BCAS3: variants seen among roughly 807,000 people sequenced by gnomAD.
BCAS3 encodes BCAS4/BCAS3 fusion.
In BCAS3, 53 loss-of-function variants were observed where a neutral mutation model predicts 116.1. The ratio of observed to expected loss-of-function variants is 0.46; its 90% CI spans 0.37 to 0.57. BCAS3 has a LOEUF of 0.57. Ranked by LOEUF, BCAS3 falls within the 20% of genes least tolerant of loss-of-function variation. The pLI, the probability that BCAS3 is intolerant of heterozygous loss-of-function variation, is 0.00. For synonymous variants in BCAS3, 391 were observed against 408.2 expected (o/e 0.96, Z 0.51); for missense variants, 917 against 1,165.4 (o/e 0.79, Z 3.10).
At chr17:61,338,478 G>A (rs1235056563) in intron 22 of BCAS3, among the ~76,000 whole-genome samples, 1 of 147,538 alleles carries the variant, frequency 6.8e-6, no homozygotes, top group Non-Finnish European at 1.5e-5. Flanking sequence ...GTTTTATTGT[G>A]TTTGAAGTAT....
chr17:60,875,751 T>C (rs1212321668), intron 9 of BCAS3, among the ~76,000 whole-genome samples: 1 of 152,028 alleles, frequency 6.6e-6, no homozygotes, highest in Non-Finnish European at 1.5e-5. Context: ...AAAAATATTG[T>C]ATCTTAATTA....
At chr17:60,945,341 C>G (rs2060428479) in intron 13 of BCAS3, among the ~76,000 whole-genome samples, 1 of 152,158 alleles carries the variant, frequency 6.6e-6, no homozygotes, top group South Asian at 2.1e-4. Context: ...ACACTCAATA[C>G]AGTTCCCTCA....
intron 13 of BCAS3, among the ~76,000 whole-genome samples, chr17:60,929,783 T>C (rs2059551059): frequency 7.2e-6 from 1 of 139,436 alleles, no homozygotes; most frequent in African/African-American, 2.7e-5. Flanking sequence ...TGTGTTCTCA[T>C]TGTTCAATTC....
chr17:61,338,887 GGAAAA>G (rs1274188941), intron 22 of BCAS3, among the ~76,000 whole-genome samples: 24 of 99,708 alleles, frequency 2.4e-4, no homozygotes, highest in East Asian at 8.5e-4. Context: ...GCCCTTACTG[GGAAAA>G]AAAAAAAAAA....
rs1449037545 is a variant in BCAS3 at position 61,347,085 on chromosome 17, T to C, written c.2426-21242T>C. Among the ~76,000 whole-genome samples the C allele has an allele frequency of 5.3e-5, 8 of 152,074 alleles. No individual in the cohort carries two copies. The East Asian group carries it at 1.4e-3, about 26-fold the overall frequency. On this transcript the variant is annotated intron_variant, in intron 22 of 23. Coordinates refer to ENST00000407086, the MANE Select transcript of BCAS3 (RefSeq NM_017679.5). This position sits in a 1 kb window ranked among gnomAD's most constrained non-coding sequence, Gnocchi z 4.3. The stretch of plus-strand genomic sequence containing the variant: ...ATATTGGATTTTTGTTTTAACAAAT[T>C]TTTTTTTAAGGCAGAGTCTTGCTCT...
chr17:61,194,606 G>C (rs1219883278), intron 22 of BCAS3, among the ~76,000 whole-genome samples: 2 of 152,030 alleles, frequency 1.3e-5, no homozygotes, highest in Non-Finnish European at 1.5e-5. Context: ...CAGGTGTGGT[G>C]GTGGGCAACT....
In BCAS3 at chr17:61,377,034, T is replaced by C. The variant is rs1332887541; in HGVS notation, c.2593+8540T>C. On this transcript the variant is annotated intron_variant, in intron 23 of 23. Coordinates refer to ENST00000407086, the MANE Select transcript of BCAS3 (RefSeq NM_017679.5). This position sits in a 1 kb window ranked among gnomAD's most constrained non-coding sequence, Gnocchi z 4.6. ...AAAGCCCCAGAGGAGGCCACAATAC[T>C]GAACGGTGGGTCTGTTTCTCTCTGA... Among the ~76,000 whole-genome samples the C allele has an allele frequency of 6.6e-6, 1 of 152,218 alleles. No homozygotes were observed. The highest frequency in any genetic ancestry group is 2.4e-5 in the African/African-American group (1 of 41,454).
At chr17:61,058,275 G>A (rs965881429) in intron 19 of BCAS3, among the ~76,000 whole-genome samples, 2 of 152,156 alleles carry the variant, frequency 1.3e-5, no homozygotes, top group Non-Finnish European at 2.9e-5. Context: ...ATATGATTCT[G>A]TGGAACTTGG....
chr17:61,120,558 T>C (rs1214628817), intron 22 of BCAS3, among the ~76,000 whole-genome samples: 2 of 152,254 alleles, frequency 1.3e-5, no homozygotes, highest in African/African-American at 4.8e-5. Flanking sequence ...AATAGCCTGA[T>C]GTATCCCTGA....
chr17:61,003,861 C>T (rs2064455401), intron 15 of BCAS3: 1 of 152,110 alleles, frequency 6.6e-6, no homozygotes, highest in Admixed American at 6.6e-5. Flanking sequence ...GAAGGGCATA[C>T]CGCCTTATAG....
At chr17:60,710,996 T>G (rs1343553242) in intron 5 of BCAS3, among the ~76,000 whole-genome samples, 2 of 151,848 alleles carry the variant, frequency 1.3e-5, no homozygotes, top group South Asian at 4.2e-4. Flanking sequence ...GGAGACAGGG[T>G]CCTACTGTGT....
intron 14 of BCAS3, among the ~76,000 whole-genome samples, chr17:60,954,686 C>G (rs898666206): frequency 6.6e-6 from 1 of 152,160 alleles, no homozygotes; most frequent in African/African-American, 2.4e-5. Flanking sequence ...AATTTTAACT[C>G]ATTCATGAGT....
intron 22 of BCAS3, among the ~76,000 whole-genome samples, chr17:61,328,440 T>C (rs2055917905): frequency 6.6e-6 from 1 of 152,206 alleles, no homozygotes; most frequent in Non-Finnish European, 1.5e-5. Flanking sequence ...GAAGTTTATT[T>C]CTCACAGTTC....
At chr17:61,246,471 GAAAA>G (rs1007852809) in intron 22 of BCAS3, among the ~76,000 whole-genome samples, 596 of 33,418 alleles carry the variant, frequency 0.018, 2 homozygotes, top group South Asian at 0.029. Context: ...GACTGTCTCA[GAAAA>G]AAAAAAAAAA....
rs952547150 is a variant in BCAS3, at chr17:61,239,964, C to T, written c.2426-128363C>T. ...GAAGTTCTCAGCCCTAAAAGTTCTG[C>T]ACTTGAATGTTAAATATATGTGTGA... On this transcript the variant is annotated intron_variant, in intron 22 of 23. Coordinates refer to ENST00000407086, the MANE Select transcript of BCAS3 (RefSeq NM_017679.5). The surrounding 1 kb of genome is among the most constrained non-coding windows in gnomAD (Gnocchi z 4.2). Among the ~76,000 whole-genome samples, 2 of 152,202 alleles carry T rather than the reference C, an allele frequency of 1.3e-5. No homozygotes were observed. Among genetic ancestry groups the T allele is most frequent in the Non-Finnish European group, 2.9e-5 (2 of 68,038 alleles).
rs943703753 is a variant in BCAS3, at chr17:61,063,339, G to A, written c.2030-11581G>A. ...GGCTGGAGTGCGGTGGCACAATCTCGGCTCACTGCAGCCTTTGCCTCCTGG... is the reference window on the plus strand; with the variant it reads ...GGCTGGAGTGCGGTGGCACAATCTCAGCTCACTGCAGCCTTTGCCTCCTGG... On this transcript the variant is annotated intron_variant, in intron 19 of 23. Coordinates refer to ENST00000407086, the MANE Select transcript of BCAS3 (RefSeq NM_017679.5). The surrounding 1 kb of genome is among the most constrained non-coding windows in gnomAD (Gnocchi z 5.3). 2.0e-5 allele frequency among the ~76,000 whole-genome samples: 3 copies of A among 151,520 alleles called. No individual in the cohort carries two copies. The highest frequency in any genetic ancestry group is 7.3e-5 in the African/African-American group (3 of 41,222).
chr17:61,223,929 C>A (rs1244478706), intron 22 of BCAS3, among the ~76,000 whole-genome samples: 1 of 152,158 alleles, frequency 6.6e-6, no homozygotes, highest in Non-Finnish European at 1.5e-5. Flanking sequence ...AGAGCTGGAA[C>A]CCAGTTGTAG....
rs7210196 is a variant in BCAS3, at chr17:60,979,794, A to G, written c.1222-10177A>G. Among the ~76,000 whole-genome samples, 1,116 of 152,282 alleles carry G rather than the reference A, an allele frequency of 7.3e-3. 8 individuals are homozygous for G. The highest frequency in any genetic ancestry group is 0.026 in the African/African-American group (1,069 of 41,544). On this transcript the variant is annotated intron_variant, in intron 14 of 23. Transcript: ENST00000407086. ...TTTGGTTCTGTTTATGTGATGGATT[A>G]TGTTTACTGATTTGCGTATGTTGAA...
chr17:61,357,712 G>A (rs2058233182), intron 22 of BCAS3, among the ~76,000 whole-genome samples: 1 of 148,996 alleles, frequency 6.7e-6, no homozygotes, highest in Non-Finnish European at 1.5e-5. Context: ...AAAGTACTGG[G>A]ATTACAGGCA....
Sources: gnomAD v4.1 joint callset for allele counts (sites outside exome capture counted in the v4.1 genomes callset) on GRCh38, gnomAD v4.1.1 for gene constraint, Gnocchi (gnomAD v3.1) non-coding constraint, MANE v1.5 for transcripts, NCBI Gene and HGNC (gene_info 2026-07-23, HGNC 2026-07-21) for gene names.